Variants in NELL2 observed in about 807,000 individuals in gnomAD.
The protein encoded by NELL2 is neural EGFL like 2.
A neutral mutation model predicts 109.6 loss-of-function variants in NELL2; 41 were observed. The observed-to-expected ratio is 0.37, with a 90% CI of 0.29 to 0.49. NELL2 has a LOEUF of 0.49. NELL2 is among the 20% of genes least tolerant of loss of function. The pLI is 0.98. For synonymous variants in NELL2, 355 were observed against 344.7 expected, an observed-to-expected ratio of 1.03 and a Z score of -0.33; for missense variants, 900 against 1,008.3, an observed-to-expected ratio of 0.89 and a Z score of 1.45.
chr12:44,776,969 T>C (rs917362958), intron 7 of NELL2, 73 bp downstream of exon 7: 1 of 1,290,834 alleles, frequency 7.7e-7, no homozygotes, highest in Middle Eastern at 1.9e-4. Context: ...TGAAAATCTA[T>C]GGTTATAAAT....
intron 2 of NELL2, among the ~76,000 whole-genome samples, chr12:44,825,065 T>C (rs1943666343): frequency 6.6e-6 from 1 of 152,202 alleles, no homozygotes; most frequent in Admixed American, 6.5e-5. Context: ...TGTTATTTTT[T>C]GCTCAAGACT....
intron 12 of NELL2, among the ~76,000 whole-genome samples, chr12:44,697,188 C>T (rs185258094): frequency 5.1e-4 from 77 of 152,276 alleles, no homozygotes; most frequent in African/African-American, 1.7e-3. Flanking sequence ...TAAACGTGAG[C>T]TATACATACA....
At chr12:44,714,529 T>C in intron 10 of NELL2, 121 bp downstream of exon 10, 1 of 579,630 alleles carries the variant, frequency 1.7e-6, no homozygotes, top group South Asian at 2.4e-5. Context: ...TAATTAATAT[T>C]GTGAATTTTC....
intron 9 of NELL2, among the ~76,000 whole-genome samples, chr12:44,743,611 C>T (rs558076126): frequency 6.6e-6 from 1 of 152,162 alleles, no homozygotes; most frequent in South Asian, 2.1e-4. Context: ...GAAGATCTAC[C>T]AAGCAAATGG....
chr12:44,765,815 C>T (rs768673045), intron 9 of NELL2, among the ~76,000 whole-genome samples: 6 of 152,092 alleles, frequency 3.9e-5, no homozygotes, highest in Non-Finnish European at 8.8e-5. Context: ...CCATCTCAAC[C>T]ATCTTTAAAC....
intron 15 of NELL2, among the ~76,000 whole-genome samples, chr12:44,571,386 T>A (rs563862525): frequency 1.1e-3 from 170 of 152,296 alleles, no homozygotes; most frequent in African/African-American, 3.9e-3. Flanking sequence ...CTGTCTCAGC[T>A]CTCAGGTCTG....
At chr12:44,848,806 A>T (rs1944449779) in intron 2 of NELL2, among the ~76,000 whole-genome samples, 1 of 152,174 alleles carries the variant, frequency 6.6e-6, no homozygotes, top group Non-Finnish European at 1.5e-5. Context: ...CTTATTAAAA[A>T]TGTGTTACAA....
At chr12:44,825,192 C>G (rs979178706) in intron 2 of NELL2, among the ~76,000 whole-genome samples, 1 of 152,078 alleles carries the variant, frequency 6.6e-6, no homozygotes, top group African/African-American at 2.4e-5. Context: ...CTGTACATAA[C>G]TATGGGTAGT....
chr12:44,782,094 T>C (rs1211726686), intron 3 of NELL2, among the ~76,000 whole-genome samples: 1 of 151,988 alleles, frequency 6.6e-6, no homozygotes, highest in Non-Finnish European at 1.5e-5. Flanking sequence ...CCTAAATGTA[T>C]GTTAAACAAT....
chr12:44,617,324 T>C (rs910191837), intron 13 of NELL2, among the ~76,000 whole-genome samples: 1 of 152,180 alleles, frequency 6.6e-6, no homozygotes, highest in Non-Finnish European at 1.5e-5. Context: ...CATTTTATCC[T>C]AGTTCTCTGG....
intron 15 of NELL2, among the ~76,000 whole-genome samples, chr12:44,606,427 T>C (rs7958608): frequency 0.49 from 73,863 of 151,900 alleles, 18,978 homozygotes; most frequent in African/African-American, 0.66. Flanking sequence ...TAACCTGATT[T>C]TCTGAGGTCA....
Position 44,815,130 on chromosome 12 carries a change from T to C in NELL2, c.335+856A>G, listed in dbSNP as rs1018215780. ...AGGAATAATCTTAAACTATTTGGTA[T>C]TACTTCATAGCAATTTATGTATATG... On this transcript the variant is annotated intron_variant, in intron 3 of 19. Transcript: ENST00000429094. Among the ~76,000 whole-genome samples the C allele has an allele frequency of 7.2e-5, 11 of 152,180 alleles. No homozygotes were observed. The South Asian group carries it at 1.9e-3, about 26-fold the overall frequency.
At chr12:44,717,827 T>C (rs955536250) in intron 9 of NELL2, among the ~76,000 whole-genome samples, 3 of 152,060 alleles carry the variant, frequency 2.0e-5, no homozygotes, top group African/African-American at 7.2e-5. Flanking sequence ...CCTGCCAGTG[T>C]CTCCCATTGG....
At chr12:44,782,481 C>T (rs528404901) in intron 3 of NELL2, among the ~76,000 whole-genome samples, 1 of 151,964 alleles carries the variant, frequency 6.6e-6, no homozygotes, top group East Asian at 1.9e-4. Context: ...AAAACCATGA[C>T]CATATTCTGT....
intron 15 of NELL2, among the ~76,000 whole-genome samples, chr12:44,542,884 T>C (rs564928480): frequency 6.6e-6 from 1 of 152,294 alleles, no homozygotes; most frequent in Non-Finnish European, 1.5e-5. Context: ...TGGAGTTATG[T>C]AGCCATAGCC....
chr12:44,825,969 G>A (rs986291809), intron 2 of NELL2, among the ~76,000 whole-genome samples: 1 of 151,858 alleles, frequency 6.6e-6, no homozygotes, highest in Non-Finnish European at 1.5e-5. Flanking sequence ...TTGAACCTGG[G>A]AGGCGGAGGT....
At chr12:44,662,989 T>C (rs1479060691) in intron 13 of NELL2, among the ~76,000 whole-genome samples, 1 of 152,190 alleles carries the variant, frequency 6.6e-6, no homozygotes. Flanking sequence ...GGGTGTCTGT[T>C]ACTAAAATTT....
chr12:44,747,134 T>G (rs949795504), intron 9 of NELL2, among the ~76,000 whole-genome samples: 1 of 152,046 alleles, frequency 6.6e-6, no homozygotes, highest in African/African-American at 2.4e-5. Context: ...ACGTGATGAG[T>G]TCATGTCCTT....
intron 15 of NELL2, among the ~76,000 whole-genome samples, chr12:44,561,019 G>T (rs1292046825): frequency 6.6e-6 from 1 of 152,170 alleles, no homozygotes; most frequent in East Asian, 1.9e-4. Flanking sequence ...TGCAAGGCTG[G>T]TTCAACACAT....
Sources: allele counts gnomAD v4.1 joint callset (sites outside exome capture counted in the v4.1 genomes callset), GRCh38; gene constraint gnomAD v4.1.1; transcripts MANE v1.5; gene names NCBI Gene and HGNC (gene_info 2026-07-23, HGNC 2026-07-21).